The following ABCA10 variants were observed in gnomAD, a reference collection of about 807,000 sequenced individuals.
The protein encoded by ABCA10 is ATP-binding cassette sub-family A member 10.
A neutral mutation model predicts 187.5 loss-of-function variants in ABCA10; 169 were observed. That is an observed-to-expected ratio of 0.90 (90% CI 0.80 to 1.02). ABCA10 has a LOEUF of 1.02. ABCA10 is among the 50% of genes least tolerant of loss of function. The pLI, the probability that ABCA10 is intolerant of heterozygous loss-of-function variation, is 0.00. For synonymous variants in ABCA10, 574 were observed against 601.8 expected (o/e 0.95, Z 0.68); for missense variants, 1,727 against 1,812.4 (o/e 0.95, Z 0.86).
Position 69,201,358 on chromosome 17 carries a change from T to C in ABCA10, c.1175+142A>G, listed in dbSNP as rs187522844. The C allele has an allele frequency of 6.0e-4, 431 of 719,378 alleles. 2 individuals are homozygous for C. In the African/African-American group the frequency reaches 6.8e-3, roughly 11 times the overall value. 44.6% of individuals were successfully genotyped at this position (719,378 alleles called of 1,614,324 possible). A position where few individuals can be genotyped will look rare whatever the true frequency, so the allele number is the denominator to read the frequency against. On this transcript the variant is annotated intron_variant, in intron 10 of 38. Coordinates refer to ENST00000690296, the MANE Select transcript of ABCA10 (RefSeq NM_001377321.1). ...GTATCAACAGTATTCACTTTGAAAA[T>C]GGTGAATGAGAGGAATTTAGGATGA...
chr17:69,155,915 G>A lies in ABCA10; in HGVS notation c.3466C>T (p.Arg1156Trp), dbSNP rs1027915051. 4.3e-6 allele frequency: 7 copies of A among 1,612,758 alleles called. No homozygotes were observed. Among genetic ancestry groups the A allele is most frequent in the Middle Eastern group, 1.7e-4 (1 of 6,052 alleles). Reference protein sequence around the residue: ...NKDPVFRISPRSRETHPNPEE... With the variant: ...NKDPVFRISPWSRETHPNPEE... ...GGATTGGGATGAGTTTCTCTACTCC[G>A]TGGAGAGATTCTACAGAGGAAATAA... The change falls in exon 29 of 39, where the codon CGG becomes TGG. Residue 1156 changes from arginine (R) to tryptophan (W), a missense_variant. By Grantham distance (101) the Arg-to-Trp change is moderately radical (BLOSUM62 -3). Coordinates refer to ENST00000690296, the MANE Select transcript of ABCA10 (RefSeq NM_001377321.1).
chr17:69,199,442 C>G (rs9899837), intron 10 of ABCA10, among the ~76,000 whole-genome samples: 114,347 of 152,108 alleles, frequency 0.75, 43,590 homozygotes, highest in African/African-American at 0.86. Flanking sequence ...TCAAAGAGTT[C>G]CTGGTTTCAG....
chr17:69,198,098 T>C (rs537047219), intron 10 of ABCA10, among the ~76,000 whole-genome samples: 60 of 152,274 alleles, frequency 3.9e-4, no homozygotes, highest in Admixed American at 2.3e-3. Context: ...TCTCTCTCTC[T>C]CCCTTTTTCA....
At chr17:69,178,174 C>G (rs889272900) in intron 22 of ABCA10, among the ~76,000 whole-genome samples, 1 of 151,170 alleles carries the variant, frequency 6.6e-6, no homozygotes, top group Non-Finnish European at 1.5e-5. Context: ...TGACACGTAG[C>G]TTAGTGAAGT....
chr17:69,190,304 C>T (rs1399546249), intron 18 of ABCA10, 54 bp downstream of exon 18: 3 of 1,489,064 alleles, frequency 2.0e-6, no homozygotes, highest in Non-Finnish European at 1.8e-6. Flanking sequence ...AGAACATCAT[C>T]TTTTTCTCTT....
intron 25 of ABCA10, among the ~76,000 whole-genome samples, chr17:69,169,573 C>T (rs1290445263): frequency 4.6e-5 from 7 of 152,094 alleles, no homozygotes; most frequent in Admixed American, 4.6e-4. Flanking sequence ...TAAAAAAGAA[C>T]AAGGTGGGAA....
upstream of ABCA10, among the ~76,000 whole-genome samples, chr17:69,232,608 A>C (rs2074839405): frequency 6.6e-6 from 1 of 152,142 alleles, no homozygotes. Context: ...TATTTTTAAT[A>C]GTTTTGACTT....
chr17:69,224,379 A>G (rs2074775732), intron 3 of ABCA10, among the ~76,000 whole-genome samples: 2 of 152,160 alleles, frequency 1.3e-5, no homozygotes, highest in Admixed American at 6.6e-5. Context: ...TGGCAGAATG[A>G]GGGCTAACAA....
upstream of ABCA10, among the ~76,000 whole-genome samples, chr17:69,231,967 C>T (rs192523909): frequency 1.3e-5 from 2 of 152,046 alleles, no homozygotes; most frequent in African/African-American, 4.8e-5. Flanking sequence ...TTATTATATC[C>T]TGTTGCTGTA....
At position 69,214,239 on chromosome 17, in the gene ABCA10, G is replaced by A. The variant is rs186855998; in HGVS notation, c.1006+465C>T. Among the ~76,000 whole-genome samples the A allele has an allele frequency of 2.3e-3, 349 of 152,260 alleles. 2 individuals are homozygous for A. Among genetic ancestry groups the A allele is most frequent in the African/African-American group, 8.2e-3 (339 of 41,550 alleles). ...TTTTAAAAATGATTCAGTTCGGCCG[G>A]GCGCGGTGGCTCACGCCTGTAATCC... On this transcript the variant is annotated intron_variant, in intron 9 of 38. Coordinates refer to ENST00000690296, the MANE Select transcript of ABCA10 (RefSeq NM_001377321.1).
chr17:69,212,586 C>T (rs981780703), intron 9 of ABCA10, among the ~76,000 whole-genome samples: 7 of 152,104 alleles, frequency 4.6e-5, no homozygotes, highest in African/African-American at 1.7e-4. Context: ...TATCGTGTTG[C>T]CATTTATCTC....
intron 29 of ABCA10, 24 bp from the exon 30 acceptor site, chr17:69,155,160 T>G (rs1292608088): frequency 6.6e-7 from 1 of 1,519,734 alleles, no homozygotes; most frequent in Non-Finnish European, 9.1e-7. Flanking sequence ...CAAAGCATGA[T>G]TTCCCTGTTA....
rs140802240 is a variant in ABCA10 at position 69,201,632 on chromosome 17, A to C, written c.1043T>G (p.Leu348Arg). The C allele has an allele frequency of 6.2e-7, 1 of 1,608,410 alleles. No individual in the cohort carries two copies. The highest frequency in any genetic ancestry group is 8.5e-7 in the Non-Finnish European group (1 of 1,178,498). The stretch of plus-strand genomic sequence containing the variant: ...ATGTTTGGACCAAAATGAGGACTTA[A>C]GGAAAAATAATGGAGAATCCCCATG... ...DGHGDSPLFF[L>R]KSSFWSKHQN... Residue 348 changes from leucine (L) to arginine (R), a missense_variant, in exon 10 of 39, where the codon CTT (leucine) becomes CGT (arginine). Leu to Arg is a moderately radical substitution (Grantham distance 102). Coordinates refer to ENST00000690296, the MANE Select transcript of ABCA10 (RefSeq NM_001377321.1).
intron 9 of ABCA10, among the ~76,000 whole-genome samples, chr17:69,211,346 T>G (rs1278196566): frequency 3.6e-5 from 1 of 27,734 alleles, no homozygotes; most frequent in Admixed American, 3.4e-4. Flanking sequence ...TATATATATA[T>G]ATATATATAT....
At position 69,153,544 on chromosome 17, in the gene ABCA10, A is replaced by C; in HGVS notation, c.3968T>G (p.Leu1323Trp). 6.2e-7 allele frequency: 1 copy of C among 1,614,112 alleles called. No individual in the cohort carries two copies. Among genetic ancestry groups the C allele is most frequent in the Non-Finnish European group, 8.5e-7 (1 of 1,180,004 alleles). ...TTCCTGGAGCTTAAGAGCTTCCACC[A>C]ATCTGACAAAAAACAGTGTGATTAT... Reference protein sequence around the residue: ...KEDAALSISRLVEALKLQEQL... With the variant: ...KEDAALSISRWVEALKLQEQL... Residue 1323 changes from leucine (L) to tryptophan (W), a missense_variant and splice_region_variant, in exon 33 of 39, where the codon TTG (leucine) becomes TGG (tryptophan). Physicochemically the swap from Leu to Trp is moderately conservative, Grantham distance 61. Coordinates refer to ENST00000690296, the MANE Select transcript of ABCA10 (RefSeq NM_001377321.1).
intron 29 of ABCA10, 112 bp downstream of exon 29, chr17:69,155,693 A>G (rs2074168231): frequency 3.0e-6 from 4 of 1,318,676 alleles, no homozygotes; most frequent in Non-Finnish European, 3.1e-6. Flanking sequence ...AGCTATAAAT[A>G]GAAATATTAA....
At chr17:69,157,917 G>A (rs1408217222) in intron 27 of ABCA10, among the ~76,000 whole-genome samples, 1 of 151,226 alleles carries the variant, frequency 6.6e-6, no homozygotes, top group Non-Finnish European at 1.5e-5. Flanking sequence ...AGGGAGGGGG[G>A]GATTTCTTAA....
At position 69,216,266 on chromosome 17, in the gene ABCA10, G is replaced by C; in HGVS notation, c.623C>G (p.Thr208Ser). ...GAGTGTGAATATCACCATGAAGCCA[G>C]TATGAAATACAATTGGGATTGATGT... ...VITSIPIVFH[T>S]GFMVIFTLYS... Residue 208 changes from threonine (T) to serine (S), a missense_variant, in exon 7 of 39, where the codon ACT (threonine) becomes AGT (serine). By Grantham distance (58) the Thr-to-Ser change is moderately conservative. Transcript: ENST00000690296. 1.2e-6 allele frequency: 2 copies of C among 1,613,618 alleles called. No individual in the cohort carries two copies. Among genetic ancestry groups the C allele is most frequent in the Non-Finnish European group, 1.7e-6 (2 of 1,179,740 alleles).
At chr17:69,226,863 C>T (rs967556567) in intron 2 of ABCA10, among the ~76,000 whole-genome samples, 2 of 151,952 alleles carry the variant, frequency 1.3e-5, no homozygotes, top group South Asian at 4.1e-4. Flanking sequence ...GATTTGAATG[C>T]ATTAATTATG....
Sources: allele counts gnomAD v4.1 joint callset (sites outside exome capture counted in the v4.1 genomes callset), GRCh38; gene constraint gnomAD v4.1.1; transcripts MANE v1.5; gene names NCBI Gene and HGNC (gene_info 2026-07-23, HGNC 2026-07-21).